Variants in PTPDC1 observed in about 807,000 individuals in gnomAD.
The protein encoded by PTPDC1 is protein tyrosine phosphatase domain-containing protein 1.
In PTPDC1, 53 loss-of-function variants were observed where a neutral mutation model predicts 75.3. That is an observed-to-expected ratio of 0.70 (90% CI 0.56 to 0.88). The LOEUF (loss-of-function observed/expected upper bound fraction) is 0.88. PTPDC1 is among the 40% of genes least tolerant of loss of function. PTPDC1 has a pLI of 0.00. For missense variants in PTPDC1, 925 were observed against 998.6 expected (o/e 0.93, Z 0.99); for synonymous variants, 349 against 366.2 (o/e 0.95, Z 0.54).
chr9:94,100,387 T>C (rs1308081065), intron 6 of PTPDC1: 1 of 152,242 alleles, frequency 6.6e-6, no homozygotes, highest in Non-Finnish European at 1.5e-5. Flanking sequence ...CTTCATAAGA[T>C]TGAATCAAGA....
chr9:94,080,994 CT>C (rs61391032), upstream of PTPDC1, among the ~76,000 whole-genome samples: 77 of 117,866 alleles, frequency 6.5e-4, 1 homozygote, highest in East Asian at 1.8e-3. Context: ...TTTTCTTTTT[CT>C]TTTTTTTTTT....
chr9:94,038,287 TAAG>T (rs1825332939), intron 1 of PTPDC1: 5 of 765,680 alleles, frequency 6.5e-6, no homozygotes, highest in Admixed American at 5.3e-5. Flanking sequence ...TTGCTGGCAT[TAAG>T]AAGAAGGCAG....
intron 2 of PTPDC1, among the ~76,000 whole-genome samples, chr9:94,072,118 C>T (rs1347330498): frequency 2.6e-5 from 4 of 152,134 alleles, no homozygotes; most frequent in African/African-American, 9.7e-5. Flanking sequence ...AGCAATTCTC[C>T]TGCCTCAGCC....
At chr9:94,052,750 A>T (rs1464788509) in intron 1 of PTPDC1, among the ~76,000 whole-genome samples, 1 of 152,182 alleles carries the variant, frequency 6.6e-6, no homozygotes, top group African/African-American at 2.4e-5. Context: ...AGTTTGTTGG[A>T]AAGACTGTAC....
chr9:94,058,193 A>T (rs537209901), intron 1 of PTPDC1, among the ~76,000 whole-genome samples: 43 of 152,226 alleles, frequency 2.8e-4, no homozygotes, highest in African/African-American at 1.0e-3. Flanking sequence ...GGTCCTGGAG[A>T]TGTGAGAGCA....
chr9:94,053,561 C>T (rs1052431931), intron 1 of PTPDC1, among the ~76,000 whole-genome samples: 3 of 152,048 alleles, frequency 2.0e-5, no homozygotes, highest in African/African-American at 7.2e-5. Flanking sequence ...AACCTAGATA[C>T]AATAAATCTT....
chr9:94,105,329 C>T (rs775718560), intron 8 of PTPDC1, among the ~76,000 whole-genome samples: 1 of 152,194 alleles, frequency 6.6e-6, no homozygotes, highest in Non-Finnish European at 1.5e-5. Context: ...CTTTCATAGA[C>T]TGAGAGGCTA....
chr9:94,082,752 T>G (rs867915028), upstream of PTPDC1, among the ~76,000 whole-genome samples: 18 of 152,210 alleles, frequency 1.2e-4, no homozygotes, highest in Non-Finnish European at 2.1e-4. Flanking sequence ...GGTCACTGAC[T>G]GTACGGTAAC....
intron 8 of PTPDC1, among the ~76,000 whole-genome samples, chr9:94,107,432 A>G (rs1587919698): frequency 6.6e-6 from 1 of 152,138 alleles, no homozygotes; most frequent in Admixed American, 6.5e-5. Context: ...GGTCACTCTG[A>G]CCCTGTCCAG....
At position 94,098,095 on chromosome 9, in the gene PTPDC1, G is replaced by A; in HGVS notation, c.1529G>A (p.Trp510Ter). The A allele has an allele frequency of 6.2e-7, 1 of 1,614,168 alleles. No individual in the cohort carries two copies. Reference protein sequence around the residue: ...EALVRSTLSFWSQSKFGGLEG... With the variant: ...EALVRSTLSF ...TTGGTTCGCAGCACACTTTCTTTCT[G>A]GAGTCAGTCAAAGTTTGGAGGCCTG... Residue 510 changes from tryptophan (W) to a stop codon, truncating the protein, a stop_gained, in exon 6 of 9, where the codon TGG becomes TAG. Coordinates refer to ENST00000620992, the MANE Select transcript of PTPDC1 (RefSeq NM_001253829.2). LOFTEE classifies it high-confidence loss of function.
upstream of PTPDC1, among the ~76,000 whole-genome samples, chr9:94,080,988 C>CTTTTTT (rs1254750314): frequency 5.8e-4 from 74 of 127,532 alleles, 5 homozygotes; most frequent in African/African-American, 9.3e-4. Flanking sequence ...TTTTCTTTTT[C>CTTTTTT]TTTTTCTTTT....
chr9:94,097,982 C>G lies in PTPDC1; in HGVS notation c.1416C>G (p.Ile472Met). Residue 472 changes from isoleucine (I) to methionine (M), a missense_variant, in exon 6 of 9, where the codon ATC (isoleucine) becomes ATG (methionine). Physicochemically the swap from Ile to Met is conservative, Grantham distance 10. Transcript: ENST00000620992. Reference sequence around the variant, plus strand: ...CTCCACAGACAGTGCCTGCCCAGATCTTGGTTGGCCACAAGCCCAGGCAGC... The same window carrying G: ...CTCCACAGACAGTGCCTGCCCAGATGTTGGTTGGCCACAAGCCCAGGCAGC... The part of the protein sequence containing the change: ...GETPQTVPAQ[I>M]LVGHKPRQQK... The G allele has an allele frequency of 6.2e-7, 1 of 1,614,166 alleles. No homozygotes were observed.
Position 94,109,809 on chromosome 9 carries a change from C to G in PTPDC1, c.*1865C>G, listed in dbSNP as rs1828133830. The G allele has an allele frequency of 6.6e-6, 1 of 152,160 alleles. No individual in the cohort carries two copies. The highest frequency in any genetic ancestry group is 6.5e-5 in the Admixed American group (1 of 15,280). The allele number at this position is 152,160 out of a possible 1,614,324, so 9.4% of individuals were successfully genotyped here. On this transcript the variant is annotated 3_prime_UTR_variant, in exon 9 of 9. Coordinates refer to ENST00000620992, the MANE Select transcript of PTPDC1 (RefSeq NM_001253829.2). ...GACAAGGGAAATTAATCAGGCTATA[C>G]ATAAGTATTGTATTTATTTGAATAA...
chr9:94,075,070 A>G (rs1367145506), intron 2 of PTPDC1, among the ~76,000 whole-genome samples: 1 of 152,138 alleles, frequency 6.6e-6, no homozygotes, highest in Non-Finnish European at 1.5e-5. Context: ...CAGCTCACAG[A>G]TAGACCCCAA....
At chr9:94,095,863 A>G (rs373435373) in intron 5 of PTPDC1, among the ~76,000 whole-genome samples, 1 of 152,240 alleles carries the variant, frequency 6.6e-6, no homozygotes, top group East Asian at 1.9e-4. Context: ...AGTTACAATG[A>G]CCGTATATAT....
rs1024732302 is a variant in PTPDC1, at chr9:94,098,519, A to G, written c.1953A>G (p.Leu651=). Residue 651 remains leucine (L), a synonymous_variant, in exon 6 of 9, where the codon CTA becomes CTG. Coordinates refer to ENST00000620992, the MANE Select transcript of PTPDC1 (RefSeq NM_001253829.2). ...EARRILAAKA[L]ANLNESVEKE... ...GAAGAATACTGGCGGCCAAAGCCCTAGCAAATTTAAATGAATCTGTAGAAA... is the reference window on the plus strand; with the variant it reads ...GAAGAATACTGGCGGCCAAAGCCCTGGCAAATTTAAATGAATCTGTAGAAA... The G allele has an allele frequency of 6.8e-6, 11 of 1,614,094 alleles. No individual in the cohort carries two copies. Among genetic ancestry groups the G allele is most frequent in the Non-Finnish European group, 8.5e-6 (10 of 1,180,032 alleles).
chr9:94,104,231 C>G (rs778392123), intron 7 of PTPDC1, 44 bp from the exon 8 acceptor site: 1 of 1,411,112 alleles, frequency 7.1e-7, no homozygotes, highest in Non-Finnish European at 9.9e-7. Context: ...TTTATTGAGG[C>G]ATTTTTTGAA....
intron 2 of PTPDC1, among the ~76,000 whole-genome samples, chr9:94,073,829 A>C (rs1316175306): frequency 6.6e-6 from 1 of 152,040 alleles, no homozygotes; most frequent in Non-Finnish European, 1.5e-5. Context: ...TTCCTTTGAG[A>C]CTTCCTATTT....
At chr9:94,102,991 TAC>T (rs10624415) in intron 7 of PTPDC1, among the ~76,000 whole-genome samples, 11,132 of 148,708 alleles carry the variant, frequency 0.075, 1,316 homozygotes, top group African/African-American at 0.26. Flanking sequence ...CTGCTGTTAC[TAC>T]ACACACACAC....
Sources: allele counts gnomAD v4.1 joint callset (sites outside exome capture counted in the v4.1 genomes callset), GRCh38; gene constraint gnomAD v4.1.1; transcripts MANE v1.5; gene names NCBI Gene and HGNC (gene_info 2026-07-23, HGNC 2026-07-21).